Variants in SNTG2 observed in about 807,000 individuals in gnomAD.
The protein encoded by SNTG2 is gamma-2-syntrophin.
Under a neutral mutation model 70.9 loss-of-function variants are expected in SNTG2, and 74 were observed. The observed-to-expected ratio is 1.04, with a 90% CI of 0.86 to 1.27. SNTG2 has a LOEUF of 1.27. SNTG2 is among the 50% of genes most tolerant of loss of function. SNTG2 has a pLI of 0.00. For synonymous variants in SNTG2, 278 were observed against 273.8 expected, an observed-to-expected ratio of 1.02 and a Z score of -0.15; for missense variants, 717 against 690.7, an observed-to-expected ratio of 1.04 and a Z score of -0.43.
In SNTG2 at chr2:1,340,467, G is replaced by A. The variant is rs564585662; in HGVS notation, c.1488+24092G>A. Among the ~76,000 whole-genome samples the A allele has an allele frequency of 2.9e-4, 44 of 152,304 alleles. No homozygotes were observed. In the South Asian group the frequency reaches 5.6e-3, roughly 19 times the overall value. ...ATTTTTCTTTTCCAGGTTCTGTAGA[G>A]CTGGTTCATGCTAGGAATTAATAAA... On this transcript the variant is annotated intron_variant, in intron 16 of 16. Coordinates refer to ENST00000308624, the MANE Select transcript of SNTG2 (RefSeq NM_018968.4).
At chr2:1,213,305 C>G (rs1280680318) in intron 9 of SNTG2, among the ~76,000 whole-genome samples, 1 of 152,130 alleles carries the variant, frequency 6.6e-6, no homozygotes, top group Non-Finnish European at 1.5e-5. Context: ...GATTGGTCCT[C>G]AGAAACTGCA....
intron 8 of SNTG2, among the ~76,000 whole-genome samples, chr2:1,187,389 C>T (rs907456522): frequency 8.6e-5 from 13 of 152,044 alleles, no homozygotes; most frequent in African/African-American, 1.9e-4. Flanking sequence ...AGTTGAAGGC[C>T]TTAAAACAAA....
chr2:1,061,507 C>T (rs751525351), intron 1 of SNTG2, among the ~76,000 whole-genome samples: 51 of 152,146 alleles, frequency 3.4e-4, no homozygotes, highest in Non-Finnish European at 5.9e-4. Flanking sequence ...GCTTATTGAA[C>T]GTTGTTAAAG....
At chr2:1,204,755 T>G (rs545144559) in intron 8 of SNTG2, among the ~76,000 whole-genome samples, 1 of 152,300 alleles carries the variant, frequency 6.6e-6, no homozygotes, top group African/African-American at 2.4e-5. Flanking sequence ...AAATTAAACT[T>G]TATTATAAGT....
intron 13 of SNTG2, among the ~76,000 whole-genome samples, chr2:1,261,077 T>A (rs889810844): frequency 6.1e-5 from 1 of 16,340 alleles, no homozygotes; most frequent in Non-Finnish European, 1.1e-4. Context: ...ATGGCAAAGG[T>A]ATTAAACTAA....
chr2:1,173,062 T>C (rs1378257923), intron 7 of SNTG2, 30 bp from the exon 8 acceptor site: 2 of 1,603,180 alleles, frequency 1.2e-6, no homozygotes, highest in African/African-American at 1.3e-5. Flanking sequence ...GTGGCACCAA[T>C]TGGAAGGGAC....
chr2:966,887 C>G (rs1234154959), intron 1 of SNTG2, among the ~76,000 whole-genome samples: 2 of 152,094 alleles, frequency 1.3e-5, no homozygotes. Context: ...GTGGGGGTTG[C>G]AGTGAGCCGA....
At chr2:1,132,230 T>C (rs952498327) in intron 4 of SNTG2, among the ~76,000 whole-genome samples, 1 of 93,310 alleles carries the variant, frequency 1.1e-5, no homozygotes, top group African/African-American at 2.7e-5. Flanking sequence ...TGTGTATATA[T>C]GTGTGTGTAT....
In SNTG2 at chr2:1,237,953, C is replaced by G; in HGVS notation, c.785C>G (p.Ala262Gly). The G allele has an allele frequency of 6.2e-7, 1 of 1,609,622 alleles. No homozygotes were observed. The highest frequency in any genetic ancestry group is 1.1e-5 in the South Asian group (1 of 89,534). Reference sequence around the variant, plus strand: ...TCTGGGATCCTCCGGTTTTACACAGCCCAGGATGGCACCGACTGGCTGCGG... The same window carrying G: ...TCTGGGATCCTCCGGTTTTACACAGGCCAGGATGGCACCGACTGGCTGCGG... Reference protein sequence around the residue: ...VSSGILRFYTAQDGTDWLRAV... With the variant: ...VSSGILRFYTGQDGTDWLRAV... The change falls in exon 10 of 17, where the codon GCC (alanine) becomes GGC (glycine). Residue 262 changes from alanine (A) to glycine (G), a missense_variant. Ala to Gly is a moderately conservative substitution (Grantham distance 60). Transcript: ENST00000308624.
intron 2 of SNTG2, among the ~76,000 whole-genome samples, chr2:1,092,763 A>G (rs546952236): frequency 1.3e-5 from 2 of 152,222 alleles, no homozygotes; most frequent in Non-Finnish European, 2.9e-5. Context: ...TAAGTTATCT[A>G]TGTCATAGAA....
intron 12 of SNTG2, among the ~76,000 whole-genome samples, chr2:1,255,853 A>AAT (rs1262250611): frequency 0.014 from 536 of 39,302 alleles, 3 homozygotes; most frequent in East Asian, 0.089. Context: ...AATATATATA[A>AAT]ATATATATAA....
chr2:1,295,875 A>G (rs1403518596), intron 14 of SNTG2, among the ~76,000 whole-genome samples: 2 of 151,562 alleles, frequency 1.3e-5, no homozygotes, highest in African/African-American at 4.9e-5. Flanking sequence ...AGACGTCACC[A>G]TCAATGGCTT....
rs541764898 is a variant in SNTG2, at chr2:1,184,386, C to T, written c.591+11203C>T. 2.4e-4 allele frequency among the ~76,000 whole-genome samples: 37 copies of T among 152,248 alleles called. No individual in the cohort carries two copies. The South Asian group carries it at 5.4e-3, about 22-fold the overall frequency. ...AAACAATAGACTCAGGCAACTAAAA[C>T]GTATAGATTTTCAGACATTGAATAT... On this transcript the variant is annotated intron_variant, in intron 8 of 16. Coordinates refer to ENST00000308624, the MANE Select transcript of SNTG2 (RefSeq NM_018968.4).
chr2:1,222,119 C>CTCTCTG lies in SNTG2; in HGVS notation c.719+12895_719+12900dup, dbSNP rs1324021158. Among the ~76,000 whole-genome samples, 32 of 107,716 alleles carry CTCTCTG rather than the reference C, an allele frequency of 3.0e-4. 3 individuals are homozygous for CTCTCTG. Among genetic ancestry groups the CTCTCTG allele is most frequent in the Non-Finnish European group, 2.2e-4 (12 of 55,592 alleles). 70.7% of individuals were successfully genotyped at this position (107,716 alleles called of 152,430 possible). On this transcript the variant is annotated intron_variant, in intron 9 of 16. Coordinates refer to ENST00000308624, the MANE Select transcript of SNTG2 (RefSeq NM_018968.4). ...TGTCTCTCTCTGTCTCTCTCTGTCT[C>CTCTCTG]TCTCTGTCTCTCTCTGTCTCTCTCT...
intron 4 of SNTG2, among the ~76,000 whole-genome samples, chr2:1,121,510 C>T (rs563183247): frequency 3.9e-5 from 6 of 152,210 alleles, no homozygotes; most frequent in African/African-American, 1.4e-4. Flanking sequence ...TTAGTCCGTT[C>T]TCACGCTGCT....
intron 6 of SNTG2, among the ~76,000 whole-genome samples, chr2:1,143,911 A>G (rs1442274204): frequency 1.4e-5 from 2 of 142,072 alleles, no homozygotes; most frequent in East Asian, 2.5e-4. Context: ...AGAAAATATT[A>G]TATTCAAAAA....
At chr2:1,249,187 C>G (rs924132410) in intron 12 of SNTG2, among the ~76,000 whole-genome samples, 8 of 152,200 alleles carry the variant, frequency 5.3e-5, no homozygotes, top group Non-Finnish European at 1.2e-4. Flanking sequence ...GTGGCAAGAG[C>G]ACACAATATC....
intron 14 of SNTG2, among the ~76,000 whole-genome samples, chr2:1,294,025 T>C (rs1412504628): frequency 6.6e-6 from 1 of 152,192 alleles, no homozygotes; most frequent in Non-Finnish European, 1.5e-5. Flanking sequence ...TTCAGGCTGG[T>C]CACCACCATA....
intron 11 of SNTG2, among the ~76,000 whole-genome samples, chr2:1,240,013 G>A (rs1353414412): frequency 6.6e-6 from 1 of 152,128 alleles, no homozygotes; most frequent in Admixed American, 6.5e-5. Flanking sequence ...GATCTCCTGT[G>A]TATAGATTAT....
Sources: gnomAD v4.1 joint callset for allele counts (sites outside exome capture counted in the v4.1 genomes callset) on GRCh38, gnomAD v4.1.1 for gene constraint, MANE v1.5 for transcripts, NCBI Gene and HGNC (gene_info 2026-07-23, HGNC 2026-07-21) for gene names.